The following DAB2IP variants were observed in gnomAD, a reference collection of about 807,000 sequenced individuals.
DAB2IP encodes disabled homolog 2-interacting protein.
A neutral mutation model predicts 107.2 loss-of-function variants in DAB2IP; 28 were observed. The observed-to-expected ratio is 0.26, with a 90% CI of 0.19 to 0.36. The LOEUF is 0.36. DAB2IP is among the 10% of genes least tolerant of loss of function. The probability of loss-of-function intolerance (pLI) is 1.00; values close to 1 mark genes in which losing one functional copy is unlikely to be tolerated. For synonymous variants in DAB2IP, 755 were observed against 706.4 expected (o/e 1.07, Z -1.09); for missense variants, 1,400 against 1,644.7 (o/e 0.85, Z 2.57).
intron 1 of DAB2IP, among the ~76,000 whole-genome samples, chr9:121,675,319 C>T (rs1249266212): frequency 1.3e-5 from 2 of 152,098 alleles, no homozygotes; most frequent in African/African-American, 2.4e-5. Flanking sequence ...GACATTCCTG[C>T]ATCGTGGCAG....
chr9:121,574,215 C>T (rs1010766078), intron 1 of DAB2IP, among the ~76,000 whole-genome samples: 17 of 152,134 alleles, frequency 1.1e-4, no homozygotes. Flanking sequence ...TCTCGCTTCC[C>T]CTGCTTAGGC....
At position 121,769,109 on chromosome 9, in the gene DAB2IP, C is replaced by T. The variant is rs576525881; in HGVS notation, c.1899+476C>T. Among the ~76,000 whole-genome samples, 27 of 152,278 alleles carry T rather than the reference C, an allele frequency of 1.8e-4. 1 individual carries two copies. The highest frequency in any genetic ancestry group is 3.4e-3 in the Middle Eastern group (1 of 294). On this transcript the variant is annotated intron_variant, in intron 10 of 15. Transcript: ENST00000408936. ...CACCTGAAGTGAGCCCTCCCTAGCC[C>T]GAGACTTCACTGACCCCCAGCCTCA...
At chr9:121,598,964 T>C (rs1403839901) in intron 1 of DAB2IP, among the ~76,000 whole-genome samples, 1 of 152,184 alleles carries the variant, frequency 6.6e-6, no homozygotes, top group African/African-American at 2.4e-5. Context: ...TCCAGCCAGC[T>C]GGAGTCCTCG....
At chr9:121,661,670 A>AAAC (rs1044897675) in intron 1 of DAB2IP, among the ~76,000 whole-genome samples, 16 of 152,070 alleles carry the variant, frequency 1.1e-4, no homozygotes, top group Non-Finnish European at 2.2e-4. Context: ...CATCTACATG[A>AAAC]AACAACAACA....
chr9:121,593,947 C>T (rs1051176987), intron 1 of DAB2IP, among the ~76,000 whole-genome samples: 10 of 151,966 alleles, frequency 6.6e-5, no homozygotes, highest in Admixed American at 2.0e-4. Context: ...GGTTTACAGA[C>T]GTGAGCCACC....
upstream of DAB2IP, among the ~76,000 whole-genome samples, chr9:121,650,678 G>C (rs879356795): frequency 6.6e-6 from 1 of 152,184 alleles, no homozygotes; most frequent in Non-Finnish European, 1.5e-5. Flanking sequence ...TTTAAACGAC[G>C]AATATTGCTA....
chr9:121,664,799 C>T (rs935140278), intron 1 of DAB2IP, among the ~76,000 whole-genome samples: 6 of 152,168 alleles, frequency 3.9e-5, no homozygotes, highest in African/African-American at 1.2e-4. Flanking sequence ...TTCCCCTTCC[C>T]GCTAACTTCC....
At position 121,736,079 on chromosome 9, in the gene DAB2IP, C is replaced by T. The variant is rs1321874827; in HGVS notation, c.363-20934C>T. Among the ~76,000 whole-genome samples, 1 of 152,266 alleles carries T rather than the reference C, an allele frequency of 6.6e-6. No homozygotes were observed. Among genetic ancestry groups the T allele is most frequent in the African/African-American group, 2.4e-5 (1 of 41,472 alleles). ...AACCCAGTGCCCTTCTCAGCTTAGG[C>T]TGTCTAGACCCAAGTCGGGGTGGGG... On this transcript the variant is annotated intron_variant, in intron 3 of 15. Coordinates refer to ENST00000408936, the Ensembl canonical transcript of DAB2IP. The surrounding 1 kb of genome is among the most constrained non-coding windows in gnomAD (Gnocchi z 4.6).
intron 1 of DAB2IP, among the ~76,000 whole-genome samples, chr9:121,579,266 G>A (rs1377402472): frequency 2.6e-5 from 4 of 152,138 alleles, no homozygotes; most frequent in East Asian, 1.9e-4. Flanking sequence ...TGAGGCCTCA[G>A]TTGATCTTGG....
intron 1 of DAB2IP, among the ~76,000 whole-genome samples, chr9:121,639,333 A>G (rs1377557046): frequency 6.6e-6 from 1 of 152,192 alleles, no homozygotes. Flanking sequence ...CTGTGCTAGC[A>G]GTGTGCAGCT....
upstream of DAB2IP, among the ~76,000 whole-genome samples, chr9:121,646,999 A>G (rs1455583557): frequency 6.6e-6 from 1 of 152,172 alleles, no homozygotes; most frequent in Admixed American, 6.5e-5. Flanking sequence ...TGATGTGGGT[A>G]GAATGCTGAG....
At chr9:121,576,844 G>T (rs868727702) in intron 1 of DAB2IP, among the ~76,000 whole-genome samples, 1 of 152,062 alleles carries the variant, frequency 6.6e-6, no homozygotes, top group Non-Finnish European at 1.5e-5. Context: ...AGTTGGTGAC[G>T]GTCACCTTTG....
At chr9:121,742,365 G>A (rs931316029) in intron 3 of DAB2IP, among the ~76,000 whole-genome samples, 1 of 152,210 alleles carries the variant, frequency 6.6e-6, no homozygotes, top group East Asian at 1.9e-4. Context: ...GGAGGCAGAG[G>A]TTGTAGTGAG....
chr9:121,742,689 G>C lies in DAB2IP; in HGVS notation c.363-14324G>C, dbSNP rs564641374. 17 of 972,432 alleles carry C rather than the reference G, an allele frequency of 1.7e-5. No individual in the cohort carries two copies. In the East Asian group the frequency reaches 1.3e-3, roughly 72 times the overall value. The allele number at this position is 972,432 out of a possible 1,614,324, so 60.2% of individuals were successfully genotyped here. On this transcript the variant is annotated intron_variant, in intron 3 of 15. Coordinates refer to ENST00000408936, the Ensembl canonical transcript of DAB2IP. ...GCCTGAGTCCTGGGCTTGGAAGGAC[G>C]GTTGCCCCCATCTGCCTTGGTTCCC...
intron 3 of DAB2IP, among the ~76,000 whole-genome samples, chr9:121,745,647 G>T (rs370397833): frequency 7.1e-6 from 1 of 140,550 alleles, no homozygotes; most frequent in Non-Finnish European, 1.6e-5. Context: ...GGGCGGGGGT[G>T]GGGGGTGGGG....
At chr9:121,605,243 A>C (rs187895491) in intron 1 of DAB2IP, among the ~76,000 whole-genome samples, 23 of 151,592 alleles carry the variant, frequency 1.5e-4, no homozygotes, top group Middle Eastern at 3.4e-3. Flanking sequence ...CTGGTCTCGA[A>C]CTCCTGAGCT....
intron 3 of DAB2IP, among the ~76,000 whole-genome samples, chr9:121,743,356 T>C (rs944752770): frequency 6.6e-6 from 1 of 152,226 alleles, no homozygotes; most frequent in African/African-American, 2.4e-5. Context: ...TTTTTACTAT[T>C]GTTCATTGTG....
At chr9:121,642,012 TC>T (rs1589442021) in intron 1 of DAB2IP, among the ~76,000 whole-genome samples, 17 of 26,366 alleles carry the variant, frequency 6.4e-4, no homozygotes, top group South Asian at 2.6e-3. Context: ...TCTCTCTCTC[TC>T]TCTCTCTCTC....
intron 3 of DAB2IP, among the ~76,000 whole-genome samples, chr9:121,738,552 A>G (rs1343688422): frequency 6.6e-6 from 1 of 152,150 alleles, no homozygotes; most frequent in East Asian, 1.9e-4. Context: ...AGCCTCTTCA[A>G]GAAGCCTCCC....
Sources: gnomAD v4.1 joint callset for allele counts (sites outside exome capture counted in the v4.1 genomes callset) on GRCh38, gnomAD v4.1.1 for gene constraint, Gnocchi (gnomAD v3.1) non-coding constraint, MANE v1.5 for transcripts, NCBI Gene and HGNC (gene_info 2026-07-23, HGNC 2026-07-21) for gene names.